The following SLC4A4 variants were observed in gnomAD, a reference collection of about 807,000 sequenced individuals.
SLC4A4 encodes solute carrier family 4 member 4, also known as electrogenic sodium bicarbonate cotransporter 1.
Under a neutral mutation model 111.5 loss-of-function variants are expected in SLC4A4, and 27 were observed. The ratio of observed to expected loss-of-function variants is 0.24; its 90% confidence interval spans 0.18 to 0.33. The LOEUF (loss-of-function observed/expected upper bound fraction) is 0.33, where lower values mean the gene tolerates loss of function less well. SLC4A4 is among the 10% of genes least tolerant of loss of function. The pLI is 1.00. For missense variants in SLC4A4, 909 were observed against 1,315.5 expected, an observed-to-expected ratio of 0.69 and a Z score of 4.78; for synonymous variants, 443 against 463.4, an observed-to-expected ratio of 0.96 and a Z score of 0.57.
chr4:71,102,049 G>C (rs1036208328), intron 2 of SLC4A4, among the ~76,000 whole-genome samples: 23 of 151,430 alleles, frequency 1.5e-4, no homozygotes, highest in Admixed American at 1.2e-3. Flanking sequence ...TGTATAACTA[G>C]AATAACCAAT....
At chr4:71,145,617 A>C (rs1034232153) in intron 2 of SLC4A4, among the ~76,000 whole-genome samples, 1 of 152,126 alleles carries the variant, frequency 6.6e-6, no homozygotes, top group African/African-American at 2.4e-5. Context: ...TATTGCCTCA[A>C]TTTCAGAGCC....
At chr4:71,190,866 A>G (rs766050704) in intron 1 of SLC4A4, among the ~76,000 whole-genome samples, 2 of 148,124 alleles carry the variant, frequency 1.4e-5, no homozygotes, top group African/African-American at 5.3e-5. Context: ...TTCCTTAATG[A>G]TAATGTCTTA....
intron 3 of SLC4A4, among the ~76,000 whole-genome samples, chr4:71,336,732 A>G (rs1171495686): frequency 1.3e-5 from 2 of 152,184 alleles, no homozygotes; most frequent in South Asian, 4.1e-4. Flanking sequence ...GGACATCATC[A>G]TCCTTTTCAT....
intron 12 of SLC4A4, 65 bp from the exon 13 acceptor site, chr4:71,466,379 G>A (rs1560533027): frequency 6.3e-7 from 1 of 1,592,058 alleles, no homozygotes; most frequent in South Asian, 1.1e-5. Flanking sequence ...TATTTGCCTA[G>A]TGACATCACA....
At chr4:71,509,177 C>T (rs953262426) in intron 16 of SLC4A4, among the ~76,000 whole-genome samples, 4 of 152,202 alleles carry the variant, frequency 2.6e-5, no homozygotes, top group African/African-American at 9.7e-5. Context: ...TAAGCATTCT[C>T]CTTGAAAACC....
At chr4:71,349,381 T>C (rs1729612165) in intron 4 of SLC4A4, among the ~76,000 whole-genome samples, 1 of 152,218 alleles carries the variant, frequency 6.6e-6, no homozygotes, top group Non-Finnish European at 1.5e-5. Flanking sequence ...CGTGCCGGTC[T>C]TCCTTAAGCA....
At chr4:71,091,778 T>A (rs1334221286) in intron 1 of SLC4A4, among the ~76,000 whole-genome samples, 1 of 152,202 alleles carries the variant, frequency 6.6e-6, no homozygotes, top group Non-Finnish European at 1.5e-5. Context: ...TAAGACTAGT[T>A]TTGTACTCAT....
At chr4:71,201,768 C>T (rs1746264613) in intron 1 of SLC4A4, among the ~76,000 whole-genome samples, 3 of 152,154 alleles carry the variant, frequency 2.0e-5, no homozygotes, top group Admixed American at 2.0e-4. Flanking sequence ...AAGAGGAAAA[C>T]ATCTGACAAT....
At chr4:71,451,918 A>C (rs1210088490) in intron 11 of SLC4A4, among the ~76,000 whole-genome samples, 1 of 152,156 alleles carries the variant, frequency 6.6e-6, no homozygotes, top group Non-Finnish European at 1.5e-5. Context: ...ATGAGTTCTC[A>C]CTGTTCTGCC....
intron 2 of SLC4A4, among the ~76,000 whole-genome samples, chr4:71,108,752 C>T (rs765990219): frequency 3.0e-4 from 46 of 152,130 alleles, no homozygotes; most frequent in Non-Finnish European, 7.4e-5. Flanking sequence ...TCTCTCTCTT[C>T]TCATTCTGGA....
intron 2 of SLC4A4, among the ~76,000 whole-genome samples, chr4:71,177,381 G>A (rs1226269550): frequency 1.3e-5 from 2 of 152,100 alleles, no homozygotes; most frequent in Admixed American, 1.3e-4. Context: ...GACACAGACT[G>A]GCAAATTGGA....
At chr4:71,457,772 C>T (rs759026888) in intron 12 of SLC4A4, among the ~76,000 whole-genome samples, 4 of 151,968 alleles carry the variant, frequency 2.6e-5, no homozygotes, top group South Asian at 4.1e-4. Flanking sequence ...AGTCATTCCT[C>T]GATATCAGCA....
At chr4:71,463,629 C>G (rs1705192343) in intron 12 of SLC4A4, among the ~76,000 whole-genome samples, 1 of 152,114 alleles carries the variant, frequency 6.6e-6, no homozygotes, top group Admixed American at 6.6e-5. Context: ...ATATGGCTTC[C>G]ATAAATCAAA....
At chr4:71,289,680 C>T (rs1341532469) in intron 3 of SLC4A4, among the ~76,000 whole-genome samples, 11 of 151,780 alleles carry the variant, frequency 7.2e-5, no homozygotes, top group African/African-American at 1.7e-4. Flanking sequence ...AATTGGGTAA[C>T]GAAGGAGGAG....
At chr4:71,481,829 T>C (rs1191622345) in intron 14 of SLC4A4, among the ~76,000 whole-genome samples, 1 of 151,680 alleles carries the variant, frequency 6.6e-6, no homozygotes, top group Non-Finnish European at 1.5e-5. Flanking sequence ...AATCCAAGTA[T>C]GGAAAACGAT....
At chr4:71,432,564 T>C (rs1419623684) in intron 7 of SLC4A4, among the ~76,000 whole-genome samples, 2 of 152,272 alleles carry the variant, frequency 1.3e-5, no homozygotes, top group Non-Finnish European at 1.5e-5. Flanking sequence ...GGAGAAACTT[T>C]GGAAAATTCC....
intron 2 of SLC4A4, among the ~76,000 whole-genome samples, chr4:71,177,022 T>G (rs1359802476): frequency 6.6e-6 from 1 of 152,188 alleles, no homozygotes; most frequent in Admixed American, 6.5e-5. Context: ...GGGGCCAATA[T>G]TCAACATTCT....
intron 3 of SLC4A4, among the ~76,000 whole-genome samples, chr4:71,284,549 C>T (rs1418724652): frequency 6.6e-6 from 1 of 152,216 alleles, no homozygotes; most frequent in Non-Finnish European, 1.5e-5. Context: ...ATTGTAACAT[C>T]TCTTAGCTTT....
chr4:71,170,036 T>C lies in SLC4A4; in HGVS notation c.-1-66540T>C, dbSNP rs77253811. Among the ~76,000 whole-genome samples, 99 of 152,312 alleles carry C rather than the reference T, an allele frequency of 6.5e-4. 2 individuals are homozygous for C. The East Asian group carries it at 0.015, about 23-fold the overall frequency. On this transcript the variant is annotated intron_variant, in intron 2 of 26. Coordinates refer to the SLC4A4 transcript ENST00000649996. ...TCAAGTGCCTTTGAATCTGCTGTTT[T>C]CTCTGCCTAGAGCACATTCCCCAAC...
Sources: allele counts gnomAD v4.1 joint callset (sites outside exome capture counted in the v4.1 genomes callset), GRCh38; gene constraint gnomAD v4.1.1; transcripts MANE v1.5; gene names NCBI Gene and HGNC (gene_info 2026-07-23, HGNC 2026-07-21).